The following KRT1 variants were observed in gnomAD, a reference collection of about 807,000 sequenced individuals.
KRT1 encodes keratin, type II cytoskeletal 1.
In KRT1, 28 loss-of-function variants were observed where a neutral mutation model predicts 51.6. The ratio of observed to expected loss-of-function variants is 0.54; its 90% CI spans 0.40 to 0.74. The LOEUF (loss-of-function observed/expected upper bound fraction) is 0.74, where lower values mean the gene tolerates loss of function less well. Among genes scored for constraint, KRT1 ranks in the 30% least tolerant of loss-of-function variants. The probability of loss-of-function intolerance (pLI) is 0.00; values close to 1 mark genes in which losing one functional copy is unlikely to be tolerated. For synonymous variants in KRT1, 301 were observed against 307.7 expected (o/e 0.98, Z 0.23); for missense variants, 783 against 815.5 (o/e 0.96, Z 0.49).
At chr12:52,678,343 G>A (rs1357525265) in intron 2 of KRT1, 120 bp from the exon 3 acceptor site, 4 of 1,086,786 alleles carry the variant, frequency 3.7e-6, no homozygotes, top group South Asian at 1.3e-5. Flanking sequence ...GGACATATTG[G>A]CCACTACTTT....
Position 52,675,549 on chromosome 12 carries a change from A to G in KRT1, c.1579T>C (p.Ser527Pro). ...SRGGGGGGYG[S>P]GGSSYGSGGG... ...CCGGAGCCATAGCTGCTACCTCCAGAGCCGTAGCCACCGCCGCCACCTCCT... is the reference window on the plus strand; with the variant it reads ...CCGGAGCCATAGCTGCTACCTCCAGGGCCGTAGCCACCGCCGCCACCTCCT... Residue 527 changes from serine to proline, a missense_variant, in exon 9 of 9, where the codon TCT becomes CCT. Coordinates refer to ENST00000252244, the MANE Select transcript of KRT1 (RefSeq NM_006121.4). 1 of 1,610,676 alleles carries G rather than the reference A, an allele frequency of 6.2e-7. No individual in the cohort carries two copies. The highest frequency in any genetic ancestry group is 8.5e-7 in the Non-Finnish European group (1 of 1,179,496).
chr12:52,677,733 C>T lies in KRT1; in HGVS notation c.880G>A (p.Ala294Thr), dbSNP rs1941532202. The T allele has an allele frequency of 1.2e-6, 2 of 1,613,916 alleles. No homozygotes were observed. The highest frequency in any genetic ancestry group is 8.5e-7 in the Non-Finnish European group (1 of 1,179,966). ...TGAAGGTCCACCTTGGTCATATAAGCACCATCCACATCCTAGAGGAACAAG... is the reference window on the plus strand; with the variant it reads ...TGAAGGTCCACCTTGGTCATATAAGTACCATCCACATCCTAGAGGAACAAG... ...FVTIKKDVDG[A>T]YMTKVDLQAK... The change falls in exon 4 of 9, where the codon GCT becomes ACT. Residue 294 changes from alanine to threonine, a missense_variant. By Grantham distance (58) the Ala-to-Thr change is moderately conservative. Transcript: ENST00000252244.
At chr12:52,677,869 G>T in intron 3 of KRT1, 124 bp from the exon 4 acceptor site, 1 of 860,364 alleles carries the variant, frequency 1.2e-6, no homozygotes, top group Non-Finnish European at 1.9e-6. Flanking sequence ...TTTTGCCCCA[G>T]GTAAATCACA....
chr12:52,679,782 G>C lies in KRT1; in HGVS notation c.567C>G (p.Asn189Lys). The change falls in exon 1 of 9, where the codon AAC becomes AAG. Residue 189 changes from asparagine (N) to lysine (K), a missense_variant. Transcript: ENST00000252244. ...CCTTGTCAATGAAGGAGGCAAATTG[G>C]TTGTTGAGTGACTTGATTTGCTCCC... ...REREQIKSLN[N>K]QFASFIDKVR... 1 of 1,614,142 alleles carries C rather than the reference G, an allele frequency of 6.2e-7. No homozygotes were observed. Among genetic ancestry groups the C allele is most frequent in the Non-Finnish European group, 8.5e-7 (1 of 1,180,016 alleles).
chr12:52,677,805 C>T, intron 3 of KRT1, 60 bp from the exon 4 acceptor site: 1 of 1,387,910 alleles, frequency 7.2e-7, no homozygotes, highest in South Asian at 1.2e-5. Context: ...CCTCTCATTA[C>T]CTGTGAGGGG....
In KRT1 at chr12:52,678,752, C is replaced by T. The variant is rs755344168; in HGVS notation, c.596G>A (p.Arg199Lys). The change falls in exon 2 of 9, where the codon AGG (arginine) becomes AAG (lysine). Residue 199 changes from arginine (R) to lysine (K), a missense_variant. Coordinates refer to ENST00000252244, the MANE Select transcript of KRT1 (RefSeq NM_006121.4). ...NQFASFIDKV[R>K]FLEQQNQVLQ... ...TACCTGGTTCTGCTGCTCCAGGAAC[C>T]TCACCTAAAAACACAAGACCCCTTT... 1 of 1,613,780 alleles carries T rather than the reference C, an allele frequency of 6.2e-7. No individual in the cohort carries two copies.
Position 52,680,280 on chromosome 12 carries a change from C to T in KRT1, c.69G>A (p.Gly23=). The stretch of plus-strand genomic sequence containing the variant: ...TGGTCCTGCGCTGGTAGTTGATGAT[C>T]CCAGCAGAGCCAGAGCTGAAGCCCC... ...SGGGFSSGSA[G]IINYQRRTTS... Residue 23 remains glycine (G), a synonymous_variant, in exon 1 of 9, where the codon GGG becomes GGA. Transcript: ENST00000252244. 1 of 1,614,166 alleles carries T rather than the reference C, an allele frequency of 6.2e-7. No homozygotes were observed. Among genetic ancestry groups the T allele is most frequent in the Non-Finnish European group, 8.5e-7 (1 of 1,180,018 alleles).
In KRT1 at chr12:52,680,246, A is replaced by T. The variant is rs759518011; in HGVS notation, c.103T>A (p.Ser35Thr). The change falls in exon 1 of 9, where the codon TCC becomes ACC. Residue 35 changes from serine (S) to threonine (T), a missense_variant. Ser to Thr is a moderately conservative substitution (Grantham distance 58). Coordinates refer to ENST00000252244, the MANE Select transcript of KRT1 (RefSeq NM_006121.4). ...INYQRRTTSS[S>T]TRRSGGGGGR... Reference sequence around the variant, plus strand: ...CCACCTCCTCCACTGCGGCGTGTGGAGCTGCTGGTGGTCCTGCGCTGGTAG... The same window carrying T: ...CCACCTCCTCCACTGCGGCGTGTGGTGCTGCTGGTGGTCCTGCGCTGGTAG... 6.2e-7 allele frequency: 1 copy of T among 1,614,156 alleles called. No individual in the cohort carries two copies. The highest frequency in any genetic ancestry group is 1.1e-5 in the South Asian group (1 of 91,082).
intron 1 of KRT1, among the ~76,000 whole-genome samples, chr12:52,679,292 G>A (rs1443340948): frequency 1.3e-5 from 2 of 152,106 alleles, no homozygotes; most frequent in Non-Finnish European, 2.9e-5. Flanking sequence ...TTATTAGAAG[G>A]CAGAGCTCCC....
At chr12:52,678,245 T>A in intron 2 of KRT1, 22 bp from the exon 3 acceptor site, 5 of 1,613,080 alleles carry the variant, frequency 3.1e-6, no homozygotes, top group Non-Finnish European at 4.2e-6. Flanking sequence ...CAGAAACAAT[T>A]AGGAGATTCA....
chr12:52,676,239 T>G, intron 7 of KRT1, 36 bp downstream of exon 7: 8 of 1,525,084 alleles, frequency 5.2e-6, no homozygotes, highest in Non-Finnish European at 6.4e-6. Context: ...AGGAAGACCA[T>G]GAGAAGAGGT....
chr12:52,675,697 G>A lies in KRT1; in HGVS notation c.1510+13C>T. ...AGCCTGCACATGCCCCTGAGAAATCGACTTGTACTTACACACACTCACGTT... is the reference window on the plus strand; with the variant it reads ...AGCCTGCACATGCCCCTGAGAAATCAACTTGTACTTACACACACTCACGTT... On this transcript the variant is annotated intron_variant, in intron 8 of 8. Coordinates refer to ENST00000252244, the MANE Select transcript of KRT1 (RefSeq NM_006121.4). 1 of 1,614,104 alleles carries A rather than the reference G, an allele frequency of 6.2e-7. No homozygotes were observed. The highest frequency in any genetic ancestry group is 8.5e-7 in the Non-Finnish European group (1 of 1,180,032).
At position 52,674,877 on chromosome 12, in the gene KRT1, C is replaced by T; in HGVS notation, c.*316G>A. 1 of 520,420 alleles carries T rather than the reference C, an allele frequency of 1.9e-6. No individual in the cohort carries two copies. Among genetic ancestry groups the T allele is most frequent in the South Asian group, 2.1e-5 (1 of 47,408 alleles). The allele number at this position is 520,420 out of a possible 1,614,324, so 32.2% of individuals were successfully genotyped here. On this transcript the variant is annotated 3_prime_UTR_variant, in exon 9 of 9. Coordinates refer to ENST00000252244, the MANE Select transcript of KRT1 (RefSeq NM_006121.4). ...AAGATGCTAAGGAGCTGTCCACACC[C>T]TGGGTCTAACTGGTCCTACTCTGGC...
Position 52,675,051 on chromosome 12 carries a change from C to T in KRT1, c.*142G>A. On this transcript the variant is annotated 3_prime_UTR_variant, in exon 9 of 9. Transcript: ENST00000252244. Reference sequence around the variant, plus strand: ...TTGGGAAACAGCAGAAAAGAAAGAGCTGGGGGAATAGGATGAGCTAGTGTA... The same window carrying T: ...TTGGGAAACAGCAGAAAAGAAAGAGTTGGGGGAATAGGATGAGCTAGTGTA... 9.1e-7 allele frequency: 1 copy of T among 1,104,804 alleles called. No individual in the cohort carries two copies. The highest frequency in any genetic ancestry group is 1.4e-6 in the Non-Finnish European group (1 of 721,098). 68.4% of individuals were successfully genotyped at this position (1,104,804 alleles called of 1,614,324 possible). A position where few individuals can be genotyped will look rare whatever the true frequency, so the allele number is the denominator to read the frequency against.
intron 4 of KRT1, 21 bp downstream of exon 4, chr12:52,677,629 G>T (rs1174030979): frequency 6.2e-7 from 1 of 1,611,368 alleles, no homozygotes; most frequent in Non-Finnish European, 8.5e-7. Flanking sequence ...AGATAAACTT[G>T]GTTGAAACTG....
Position 52,676,498 on chromosome 12 carries a change from G to T in KRT1, c.1255-3C>A, listed in dbSNP as rs1941506272. ...ATGGACTGCTGCAAGTTGGAGATCT[G>T]AAAAAGAATATGACACCCTCTCATA... On this transcript the variant is annotated splice_region_variant and splice_polypyrimidine_tract_variant and intron_variant, in intron 6 of 8. Coordinates refer to ENST00000252244, the MANE Select transcript of KRT1 (RefSeq NM_006121.4). 3 of 1,614,072 alleles carry T rather than the reference G, an allele frequency of 1.9e-6. No individual in the cohort carries two copies. The highest frequency in any genetic ancestry group is 8.5e-7 in the Non-Finnish European group (1 of 1,179,970).
chr12:52,676,820 C>T (rs1941513189), intron 6 of KRT1, among the ~76,000 whole-genome samples: 1 of 152,204 alleles, frequency 6.6e-6, no homozygotes, highest in South Asian at 2.1e-4. Context: ...GGGTCATAGG[C>T]TAGATCACTC....
chr12:52,678,253 T>G, intron 2 of KRT1, 30 bp from the exon 3 acceptor site: 1 of 1,610,802 alleles, frequency 6.2e-7, no homozygotes, highest in Admixed American at 1.7e-5. Flanking sequence ...ATTAGGAGAT[T>G]CAGAGGTGGT....
Position 52,677,722 on chromosome 12 carries a change from G to T in KRT1, c.891C>A (p.Thr297=), listed in dbSNP as rs1362290562. Residue 297 remains threonine, a synonymous_variant, in exon 4 of 9, where the codon ACC becomes ACA. Transcript: ENST00000252244. ...IKKDVDGAYM[T]KVDLQAKLDN... ...CAAGTTTGGCCTGAAGGTCCACCTT[G>T]GTCATATAAGCACCATCCACATCCT... The T allele has an allele frequency of 2.5e-6, 4 of 1,613,982 alleles. No homozygotes were observed. The highest frequency in any genetic ancestry group is 2.2e-5 in the East Asian group (1 of 44,890).
Sources: allele counts gnomAD v4.1 joint callset (sites outside exome capture counted in the v4.1 genomes callset), GRCh38; gene constraint gnomAD v4.1.1; transcripts MANE v1.5; gene names NCBI Gene and HGNC (gene_info 2026-07-23, HGNC 2026-07-21).